The following RPSA2 variants were observed in gnomAD, a reference collection of about 807,000 sequenced individuals.
RPSA2 encodes ribosomal protein SA 2, also known as small ribosomal subunit protein uS2B.
the RPSA2 span, among the ~76,000 whole-genome samples, chr19:23,825,519 A>G: frequency 6.6e-6 from 1 of 151,860 alleles, no homozygotes; most frequent in Non-Finnish European, 1.5e-5. Flanking sequence ...TTTTTTTTCT[A>G]ACTTGTATAT....
At chr19:23,820,029 A>G in the RPSA2 span, among the ~76,000 whole-genome samples, 1 of 152,186 alleles carries the variant, frequency 6.6e-6, no homozygotes, top group African/African-American at 2.4e-5. Context: ...GTGCTTTCTC[A>G]GTCCTGATGG....
the RPSA2 span, among the ~76,000 whole-genome samples, chr19:23,846,906 A>G: frequency 6.6e-6 from 1 of 152,152 alleles, no homozygotes; most frequent in African/African-American, 2.4e-5. Context: ...GTCTAATTCT[A>G]TTGCTAGAGT....
the RPSA2 span, among the ~76,000 whole-genome samples, chr19:23,800,754 C>T: frequency 6.6e-6 from 1 of 152,074 alleles, no homozygotes; most frequent in Non-Finnish European, 1.5e-5. Context: ...GCTGGGATTA[C>T]AGGCATGCAC....
the RPSA2 span, among the ~76,000 whole-genome samples, chr19:23,844,875 G>A: frequency 6.6e-6 from 1 of 151,014 alleles, no homozygotes; most frequent in Admixed American, 6.6e-5. Context: ...GAATTTGGCT[G>A]TGCATTTATC....
the RPSA2 span, among the ~76,000 whole-genome samples, chr19:23,838,528 G>C: frequency 6.6e-6 from 1 of 152,022 alleles, no homozygotes; most frequent in African/African-American, 2.4e-5. Flanking sequence ...GAATTTTGCT[G>C]TGAATCTGTT....
the RPSA2 span, among the ~76,000 whole-genome samples, chr19:23,771,207 G>A: frequency 6.6e-6 from 1 of 152,132 alleles, no homozygotes; most frequent in Non-Finnish European, 1.5e-5. Context: ...CATAAACACA[G>A]CTCAATGTTG....
At chr19:23,858,707 T>G in the RPSA2 span, among the ~76,000 whole-genome samples, 3 of 152,328 alleles carry the variant, frequency 2.0e-5, no homozygotes, top group East Asian at 5.8e-4. Context: ...ACATGTGGAC[T>G]GCGCATGTTC....
chr19:23,810,191 A>G, the RPSA2 span, among the ~76,000 whole-genome samples: 3 of 152,042 alleles, frequency 2.0e-5, no homozygotes, highest in African/African-American at 7.2e-5. Flanking sequence ...CAGGAGATCA[A>G]GACCATCCTG....
chr19:23,865,452 A>G, the RPSA2 span, among the ~76,000 whole-genome samples: 1 of 151,766 alleles, frequency 6.6e-6, no homozygotes. Flanking sequence ...CTCAAAGTAG[A>G]CCCTTCTGTT....
At chr19:23,771,579 A>G in the RPSA2 span, among the ~76,000 whole-genome samples, 1 of 151,476 alleles carries the variant, frequency 6.6e-6, no homozygotes, top group East Asian at 2.0e-4. Context: ...GGCCCAGTGT[A>G]CAGACGGGGT....
At chr19:23,758,718 T>C in the RPSA2 span, 1 of 1,614,108 alleles carries the variant, frequency 6.2e-7, no homozygotes, top group Non-Finnish European at 8.5e-7. Flanking sequence ...CCTTCCCCTC[T>C]CTCGGGATGT....
At chr19:23,852,555 G>T in the RPSA2 span, among the ~76,000 whole-genome samples, 3 of 152,226 alleles carry the variant, frequency 2.0e-5, no homozygotes, top group Non-Finnish European at 2.9e-5. Context: ...GCAGCAGGAA[G>T]ATGCCCTTAA....
chr19:23,830,333 C>T, the RPSA2 span, among the ~76,000 whole-genome samples: 1 of 152,078 alleles, frequency 6.6e-6, no homozygotes, highest in South Asian at 2.1e-4. Context: ...TTGGTAGAGA[C>T]AGGGTTTCAC....
chr19:23,862,317 C>G, the RPSA2 span, among the ~76,000 whole-genome samples: 2 of 151,398 alleles, frequency 1.3e-5, no homozygotes, highest in Admixed American at 6.6e-5. Flanking sequence ...ATCATGTCAT[C>G]TACAAACAGG....
the RPSA2 span, among the ~76,000 whole-genome samples, chr19:23,836,524 G>T: frequency 6.6e-6 from 1 of 152,140 alleles, no homozygotes; most frequent in African/African-American, 2.4e-5. Context: ...TTTTCTCTGG[G>T]TAGATACCCA....
the RPSA2 span, among the ~76,000 whole-genome samples, chr19:23,821,502 G>A: frequency 2.6e-5 from 4 of 152,174 alleles, no homozygotes; most frequent in African/African-American, 4.8e-5. Flanking sequence ...CTTCTTCCCT[G>A]CCTCCCCCAC....
At chr19:23,816,724 C>T in the RPSA2 span, among the ~76,000 whole-genome samples, 1 of 152,184 alleles carries the variant, frequency 6.6e-6, no homozygotes, top group Non-Finnish European at 1.5e-5. Context: ...CTTACAGTTT[C>T]ATGTGATTGA....
the RPSA2 span, among the ~76,000 whole-genome samples, chr19:23,778,452 T>A: frequency 6.6e-6 from 1 of 152,136 alleles, no homozygotes; most frequent in Admixed American, 6.5e-5. Context: ...GACCTCAGGT[T>A]ATCTGCCCAC....
the RPSA2 span, among the ~76,000 whole-genome samples, chr19:23,793,797 G>A: frequency 3.3e-5 from 5 of 151,938 alleles, no homozygotes; most frequent in East Asian, 3.9e-4. Flanking sequence ...AATTCCTGAC[G>A]TGGTGATCTG....
Sources: allele counts gnomAD v4.1 joint callset (sites outside exome capture counted in the v4.1 genomes callset), GRCh38; gene constraint gnomAD v4.1.1; transcripts MANE v1.5; gene names NCBI Gene and HGNC (gene_info 2026-07-23, HGNC 2026-07-21).